Variants in STAG1 observed in about 807,000 individuals in gnomAD.
The protein encoded by STAG1 is STAG1 cohesin complex component.
A neutral mutation model predicts 170.9 loss-of-function variants in STAG1; 26 were observed. The observed-to-expected ratio is 0.15, with a 90% CI of 0.11 to 0.21. The LOEUF is 0.21. Among genes scored for constraint, STAG1 ranks in the 10% least tolerant of loss-of-function variants. The pLI, the probability that STAG1 is intolerant of heterozygous loss-of-function variation, is 1.00. For missense variants in STAG1, 964 were observed against 1,509.5 expected (o/e 0.64, Z 5.99); for synonymous variants, 514 against 497.7 (o/e 1.03, Z -0.44).
intron 3 of STAG1, among the ~76,000 whole-genome samples, chr3:136,615,372 G>A (rs1040554749): frequency 1.2e-4 from 17 of 139,228 alleles, no homozygotes; most frequent in African/African-American, 4.3e-4. Flanking sequence ...CATTGCCTGT[G>A]AGCTGAGATC....
chr3:136,527,904 T>A (rs889915984), intron 6 of STAG1, among the ~76,000 whole-genome samples: 1 of 152,198 alleles, frequency 6.6e-6, no homozygotes, highest in Non-Finnish European at 1.5e-5. Context: ...ACAGTGAATA[T>A]TGCTGAACAG....
At chr3:136,462,957 C>G (rs2089315052) in intron 13 of STAG1, among the ~76,000 whole-genome samples, 2 of 152,046 alleles carry the variant, frequency 1.3e-5, no homozygotes, top group African/African-American at 4.8e-5. Flanking sequence ...ATTTTTCTCT[C>G]TGAAACTACA....
At chr3:136,640,746 T>C (rs536199247) in intron 1 of STAG1, among the ~76,000 whole-genome samples, 2 of 143,310 alleles carry the variant, frequency 1.4e-5, no homozygotes, top group African/African-American at 2.6e-5. Flanking sequence ...GATTTTGGCT[T>C]GCTGCAACCT....
At chr3:136,639,288 T>C (rs927903459) in intron 1 of STAG1, among the ~76,000 whole-genome samples, 5 of 151,678 alleles carry the variant, frequency 3.3e-5, no homozygotes, top group African/African-American at 7.3e-5. Flanking sequence ...TGAGCCATGA[T>C]TGGGCCACTA....
intron 7 of STAG1, among the ~76,000 whole-genome samples, chr3:136,515,905 A>G (rs1397785317): frequency 6.6e-6 from 1 of 152,224 alleles, no homozygotes; most frequent in Non-Finnish European, 1.5e-5. Context: ...AGAAAATTGA[A>G]TAAAGATTTT....
chr3:136,433,196 A>T (rs1275568560), intron 16 of STAG1, among the ~76,000 whole-genome samples: 1 of 152,114 alleles, frequency 6.6e-6, no homozygotes. Flanking sequence ...ACATACAAAA[A>T]TCATTCATCT....
At position 136,725,851 on chromosome 3, in the gene STAG1, G is replaced by C. The variant is rs188764043; in HGVS notation, c.-84+26344C>G. Among the ~76,000 whole-genome samples, 1,296 of 152,226 alleles carry C rather than the reference G, an allele frequency of 8.5e-3. 20 individuals carry two copies. Among genetic ancestry groups the C allele is most frequent in the Middle Eastern group, 0.048 (14 of 294 alleles). On this transcript the variant is annotated intron_variant, in intron 1 of 33. Transcript: ENST00000383202. ...CAATGAAATAAAATTTTAAAAATCA[G>C]AACACTTCATTCCCAGTCTTCCCTA... is the stretch of plus-strand genomic sequence containing the variant.
rs541483877 is a variant in STAG1, at chr3:136,487,056, G to T, written c.903-9644C>A. ...GCAGATACAAGCACAGAACGTGCAG[G>T]TTTGTTATACAGGTATGCATGTGCC... On this transcript the variant is annotated intron_variant, in intron 9 of 33. Coordinates refer to ENST00000383202, the MANE Select transcript of STAG1 (RefSeq NM_005862.3). 4.4e-5 allele frequency among the ~76,000 whole-genome samples: 6 copies of T among 137,836 alleles called. No individual in the cohort carries two copies. The East Asian group carries it at 1.1e-3, about 25-fold the overall frequency. 90.4% of individuals were successfully genotyped at this position (137,836 alleles called of 152,430 possible). A position where few individuals can be genotyped will look rare whatever the true frequency, so the allele number is the denominator to read the frequency against.
At chr3:136,355,461 G>C (rs1314332619) in intron 28 of STAG1, among the ~76,000 whole-genome samples, 2 of 148,802 alleles carry the variant, frequency 1.3e-5, no homozygotes, top group Non-Finnish European at 3.0e-5. Context: ...CAATTCAATA[G>C]TAATATTTGG....
At position 136,677,736 on chromosome 3, in the gene STAG1, C is replaced by T. The variant is rs564442879; in HGVS notation, c.-83-46755G>A. ...TACTGGCACCTTCATCTTAGACATC[C>T]CAGCCTCTAGAATCAAAATAAATTT... On this transcript the variant is annotated intron_variant, in intron 1 of 33. Transcript: ENST00000383202. Among the ~76,000 whole-genome samples, 119 of 151,878 alleles carry T rather than the reference C, an allele frequency of 7.8e-4. 1 individual carries two copies. Among genetic ancestry groups the T allele is most frequent in the African/African-American group, 2.8e-3 (117 of 41,414 alleles).
intron 21 of STAG1, among the ~76,000 whole-genome samples, chr3:136,405,853 C>T (rs1351707865): frequency 1.5e-5 from 2 of 134,294 alleles, no homozygotes; most frequent in East Asian, 2.3e-4. Flanking sequence ...TGAGATACCA[C>T]TATATACTTA....
chr3:136,431,429 T>C (rs922614295), intron 16 of STAG1, among the ~76,000 whole-genome samples: 1 of 151,870 alleles, frequency 6.6e-6, no homozygotes, highest in Non-Finnish European at 1.5e-5. Flanking sequence ...TATGCCACCA[T>C]GCCTGGCTAA....
rs527688721 is a variant in STAG1, at chr3:136,448,778, A to C, written c.1428+3255T>G. Among the ~76,000 whole-genome samples the C allele has an allele frequency of 2.6e-5, 4 of 152,292 alleles. No homozygotes were observed. In the East Asian group the frequency reaches 7.7e-4, roughly 29 times the overall value. On this transcript the variant is annotated intron_variant, in intron 14 of 33. Transcript: ENST00000383202. ...ACATGGCGAAACTCCATCTCTACTA[A>C]AAATAAAAAGATTAGCCAGGCGTGG...
chr3:136,741,849 G>A (rs562866438), intron 1 of STAG1, among the ~76,000 whole-genome samples: 4 of 152,036 alleles, frequency 2.6e-5, no homozygotes, highest in South Asian at 2.1e-4. Flanking sequence ...TGGGTAAATA[G>A]GTAGAAAAAG....
intron 1 of STAG1, among the ~76,000 whole-genome samples, chr3:136,675,855 G>A (rs1030583016): frequency 5.9e-5 from 9 of 152,156 alleles, no homozygotes; most frequent in Non-Finnish European, 1.3e-4. Context: ...ATCAACTGAT[G>A]AATAAACACT....
At chr3:136,616,310 T>C (rs1034658617) in intron 3 of STAG1, among the ~76,000 whole-genome samples, 1 of 150,278 alleles carries the variant, frequency 6.7e-6, no homozygotes, top group African/African-American at 2.4e-5. Context: ...TTTCAATAGA[T>C]AAAGGAGACA....
chr3:136,419,124 A>G (rs2087869168), intron 20 of STAG1, among the ~76,000 whole-genome samples: 1 of 152,190 alleles, frequency 6.6e-6, no homozygotes, highest in Non-Finnish European at 1.5e-5. Context: ...TGAATGTGAT[A>G]ATGGTAAATT....
At chr3:136,535,454 G>C (rs868011378) in intron 6 of STAG1, among the ~76,000 whole-genome samples, 1 of 152,246 alleles carries the variant, frequency 6.6e-6, no homozygotes, top group Non-Finnish European at 1.5e-5. Flanking sequence ...CTTGAGGACA[G>C]GAGTTCAAGA....
At chr3:136,736,549 T>A in intron 1 of STAG1, 1 of 1,501,856 alleles carries the variant, frequency 6.7e-7, no homozygotes, top group Non-Finnish European at 9.3e-7. Context: ...CGATTTATCT[T>A]CTCTTTCTTC....
Sources: allele counts gnomAD v4.1 joint callset (sites outside exome capture counted in the v4.1 genomes callset), GRCh38; gene constraint gnomAD v4.1.1; transcripts MANE v1.5; gene names NCBI Gene and HGNC (gene_info 2026-07-23, HGNC 2026-07-21).